PHACTR2: variants seen among roughly 807,000 people sequenced by gnomAD.
PHACTR2 encodes the protein phosphatase and actin regulator 2, also known as chromosome 6 open reading frame 56.
Under a neutral mutation model 76.0 loss-of-function variants are expected in PHACTR2, and 30 were observed. That is an observed-to-expected ratio of 0.39 (90% CI 0.30 to 0.54). The LOEUF (loss-of-function observed/expected upper bound fraction) is 0.54. Ranked by LOEUF, PHACTR2 falls within the 20% of genes least tolerant of loss-of-function variation. PHACTR2 has a pLI of 0.61. For missense variants in PHACTR2, 696 were observed against 781.1 expected, an observed-to-expected ratio of 0.89 and a Z score of 1.30; for synonymous variants, 292 against 292.5, an observed-to-expected ratio of 1.00 and a Z score of 0.02.
Position 143,617,153 on chromosome 6 carries a change from G to C in PHACTR2, c.13+8831G>C, listed in dbSNP as rs1187361134. On this transcript the variant is annotated intron_variant, in intron 1 of 11. Transcript: ENST00000305766. This position sits in a 1 kb window ranked among gnomAD's most constrained non-coding sequence, Gnocchi z 4.8. ...GATGGAGGTGGTGGCAGTGGGGAAG[G>C]GGAGAGGAAACTTACTTCAATCCCA... 1.3e-5 allele frequency among the ~76,000 whole-genome samples: 2 copies of C among 152,184 alleles called. No individual in the cohort carries two copies. Among genetic ancestry groups the C allele is most frequent in the Non-Finnish European group, 2.9e-5 (2 of 68,024 alleles).
chr6:143,822,539 T>C lies in PHACTR2; in HGVS notation c.1923-1135T>C, dbSNP rs999990785. On this transcript the variant is annotated intron_variant, in intron 12 of 12. Transcript: ENST00000440869. This position sits in a 1 kb window ranked among gnomAD's most constrained non-coding sequence, Gnocchi z 5.5. The stretch of plus-strand genomic sequence containing the variant: ...AAAAGATTTTAAAAACCCCAAGAAC[T>C]GAAATGATGGAACCAGTATTTTTAA... Among the ~76,000 whole-genome samples the C allele has an allele frequency of 6.6e-6, 1 of 152,076 alleles. No homozygotes were observed. Among genetic ancestry groups the C allele is most frequent in the Admixed American group, 6.5e-5 (1 of 15,270 alleles).
Position 143,671,163 on chromosome 6 carries a change from C to G in PHACTR2, c.14-40853C>G, listed in dbSNP as rs1326572386. ...CAGGCTGGTCTTGAACTCCTGACAT[C>G]ATGATCCGCCTGCCTCAGCAGCCTC... On this transcript the variant is annotated intron_variant, in intron 1 of 11. Coordinates refer to the PHACTR2 transcript ENST00000305766. This position sits in a 1 kb window ranked among gnomAD's most constrained non-coding sequence, Gnocchi z 4.6. Among the ~76,000 whole-genome samples, 1 of 152,112 alleles carries G rather than the reference C, an allele frequency of 6.6e-6. No individual in the cohort carries two copies. The highest frequency in any genetic ancestry group is 2.4e-5 in the African/African-American group (1 of 41,422).
At position 143,548,255 on chromosome 6, in the gene PHACTR2, C is replaced by T. The variant is rs1318563659; in HGVS notation, c.217+11048C>T. Among the ~76,000 whole-genome samples the T allele has an allele frequency of 6.7e-6, 1 of 150,302 alleles. No individual in the cohort carries two copies. Among genetic ancestry groups the T allele is most frequent in the South Asian group, 2.1e-4 (1 of 4,786 alleles). On this transcript the variant is annotated intron_variant, in intron 1 of 11. Coordinates refer to the PHACTR2 transcript ENST00000367584. This position sits in a 1 kb window ranked among gnomAD's most constrained non-coding sequence, Gnocchi z 4.5. ...CTAATTTCATTCATGAAGGTTCCAC[C>T]CTCAATACCTCATCTAATCCTTATT...
At chr6:143,741,876 C>A (rs1057231362) in intron 2 of PHACTR2, among the ~76,000 whole-genome samples, 1 of 151,966 alleles carries the variant, frequency 6.6e-6, no homozygotes, top group East Asian at 1.9e-4. Flanking sequence ...CTCAGGCAGG[C>A]GGATCACCTG....
intron 2 of PHACTR2, among the ~76,000 whole-genome samples, chr6:143,720,119 C>T (rs1778405671): frequency 6.6e-6 from 1 of 152,014 alleles, no homozygotes. Context: ...GCCAAGTGTT[C>T]GACACTTCTT....
At chr6:143,538,573 A>C (rs1011287314) in intron 1 of PHACTR2, among the ~76,000 whole-genome samples, 1 of 152,212 alleles carries the variant, frequency 6.6e-6, no homozygotes, top group East Asian at 1.9e-4. Context: ...ACCAGCTACC[A>C]CTGCCCTGGT....
chr6:143,589,439 T>C lies in PHACTR2; in HGVS notation c.217+52232T>C, dbSNP rs1459218336. Reference sequence around the variant, plus strand: ...CCTTTTGCCATGATTCCAAGTTTCCTGAGGCCTCCCCAGTCATGCTTCCTG... The same window carrying C: ...CCTTTTGCCATGATTCCAAGTTTCCCGAGGCCTCCCCAGTCATGCTTCCTG... On this transcript the variant is annotated intron_variant, in intron 1 of 11. Transcript: ENST00000367584. The surrounding 1 kb of genome is among the most constrained non-coding windows in gnomAD (Gnocchi z 4.4). 6.6e-6 allele frequency among the ~76,000 whole-genome samples: 1 copy of C among 152,206 alleles called. No homozygotes were observed. The highest frequency in any genetic ancestry group is 1.5e-5 in the Non-Finnish European group (1 of 68,038).
rs1779552127 is a variant in PHACTR2, at chr6:143,765,844, CA to C, written c.1232+47del. On this transcript the variant is annotated intron_variant, in intron 6 of 12. Coordinates refer to ENST00000440869, the MANE Select transcript of PHACTR2 (RefSeq NM_001100164.2). The surrounding 1 kb of genome is among the most constrained non-coding windows in gnomAD (Gnocchi z 4.1). Reference sequence around the variant, plus strand: ...CCTATTTTATCTGAGAACTAAAGATCACTAATATATTCTGTTGGAAATGAAG... The same window carrying C: ...CCTATTTTATCTGAGAACTAAAGATCCTAATATATTCTGTTGGAAATGAAG... 1 of 1,475,330 alleles carries C rather than the reference CA, an allele frequency of 6.8e-7. No homozygotes were observed. The highest frequency in any genetic ancestry group is 9.3e-7 in the Non-Finnish European group (1 of 1,072,480). The allele number at this position is 1,475,330 out of a possible 1,614,324, so 91.4% of individuals were successfully genotyped here.
intron 1 of PHACTR2, among the ~76,000 whole-genome samples, chr6:143,584,189 C>T (rs1020699482): frequency 6.6e-6 from 1 of 152,328 alleles, no homozygotes; most frequent in Middle Eastern, 3.4e-3. Context: ...AAGATGTTAA[C>T]TCTTGACTAG....
rs1027768878 is a variant in PHACTR2 at position 143,641,273 on chromosome 6, T to C, written c.13+32951T>C. ...ATGGCAATGAAGTTTCAACATGAAG[T>C]TTTTAGAGGACAAACATTCAAACCA... On this transcript the variant is annotated intron_variant, in intron 1 of 11. Transcript: ENST00000305766. This position sits in a 1 kb window ranked among gnomAD's most constrained non-coding sequence, Gnocchi z 5.8. 1.3e-5 allele frequency among the ~76,000 whole-genome samples: 2 copies of C among 151,966 alleles called. No individual in the cohort carries two copies. The highest frequency in any genetic ancestry group is 4.8e-5 in the African/African-American group (2 of 41,346).
rs536813035 is a variant in PHACTR2 at position 143,757,222 on chromosome 6, A to G, written c.455-3179A>G. Among the ~76,000 whole-genome samples the G allele has an allele frequency of 3.6e-4, 55 of 152,330 alleles. No individual in the cohort carries two copies. Among genetic ancestry groups the G allele is most frequent in the Admixed American group, 7.2e-4 (11 of 15,306 alleles). On this transcript the variant is annotated intron_variant, in intron 4 of 12. Coordinates refer to ENST00000440869, the MANE Select transcript of PHACTR2 (RefSeq NM_001100164.2). The surrounding 1 kb of genome is among the most constrained non-coding windows in gnomAD (Gnocchi z 4.2). ...CATAGGTGAGACTCTACTAGGGGCC[A>G]GGAAAAGAGTAGTAAATGAAAAATG...
At position 143,828,533 on chromosome 6, in the gene PHACTR2, G is replaced by A. The variant is rs1474402069; in HGVS notation, c.*4844G>A. ...CAAATTTAAAAATCCTATTGTATAT[G>A]TTGTAAAATTTCTGGCAAAGAAATG... On this transcript the variant is annotated 3_prime_UTR_variant, in exon 13 of 13. Coordinates refer to ENST00000440869, the MANE Select transcript of PHACTR2 (RefSeq NM_001100164.2). This position sits in a 1 kb window ranked among gnomAD's most constrained non-coding sequence, Gnocchi z 4.7. 1 of 152,184 alleles carries A rather than the reference G, an allele frequency of 6.6e-6. No individual in the cohort carries two copies. The highest frequency in any genetic ancestry group is 6.5e-5 in the Admixed American group (1 of 15,282). 9.4% of individuals were successfully genotyped at this position (152,184 alleles called of 1,614,324 possible). A position where few individuals can be genotyped will look rare whatever the true frequency, so the allele number is the denominator to read the frequency against.
chr6:143,556,030 G>T lies in PHACTR2; in HGVS notation c.217+18823G>T, dbSNP rs780031701. On this transcript the variant is annotated intron_variant, in intron 1 of 11. Coordinates refer to the PHACTR2 transcript ENST00000367584. This position sits in a 1 kb window ranked among gnomAD's most constrained non-coding sequence, Gnocchi z 4.3. Reference sequence around the variant, plus strand: ...AAACAGAAAAAAAACAAAAAGAAAAGAGACCAAACCTTTTACTCTTAGTAA... The same window carrying T: ...AAACAGAAAAAAAACAAAAAGAAAATAGACCAAACCTTTTACTCTTAGTAA... Among the ~76,000 whole-genome samples the T allele has an allele frequency of 6.7e-6, 1 of 150,144 alleles. No homozygotes were observed. The highest frequency in any genetic ancestry group is 2.5e-5 in the African/African-American group (1 of 40,662).
intron 1 of PHACTR2, among the ~76,000 whole-genome samples, chr6:143,705,242 C>T (rs1232680195): frequency 1.3e-5 from 2 of 152,076 alleles, no homozygotes; most frequent in African/African-American, 4.8e-5. Flanking sequence ...CCTCAGCCTC[C>T]CAAGTAGCTG....
At chr6:143,716,553 G>A (rs1411096048) in intron 2 of PHACTR2, among the ~76,000 whole-genome samples, 1 of 152,172 alleles carries the variant, frequency 6.6e-6, no homozygotes, top group African/African-American at 2.4e-5. Flanking sequence ...TGCCCAGGTT[G>A]GTCTCAAACT....
intron 1 of PHACTR2, among the ~76,000 whole-genome samples, chr6:143,640,858 G>A (rs987372475): frequency 2.6e-5 from 4 of 152,166 alleles, no homozygotes; most frequent in Non-Finnish European, 5.9e-5. Flanking sequence ...CTTAAGATGA[G>A]ATACTCCTGG....
At chr6:143,651,310 T>C (rs936727191) in intron 1 of PHACTR2, among the ~76,000 whole-genome samples, 1 of 152,076 alleles carries the variant, frequency 6.6e-6, no homozygotes, top group Admixed American at 6.5e-5. Flanking sequence ...GGAGCAGAAA[T>C]ACCATTCGAC....
chr6:143,590,218 T>G (rs147515131), intron 1 of PHACTR2, among the ~76,000 whole-genome samples: 184 of 152,334 alleles, frequency 1.2e-3, no homozygotes, highest in Non-Finnish European at 9.1e-4. Flanking sequence ...GTTTGGTATT[T>G]TCCCCGTATT....
intron 1 of PHACTR2, among the ~76,000 whole-genome samples, chr6:143,542,596 A>G (rs1284693408): frequency 2.0e-5 from 3 of 152,072 alleles, no homozygotes; most frequent in Non-Finnish European, 2.9e-5. Context: ...TCTAATCAAA[A>G]CAGATTATCT....
Sources: allele counts gnomAD v4.1 joint callset (sites outside exome capture counted in the v4.1 genomes callset), GRCh38; gene constraint gnomAD v4.1.1; non-coding constraint Gnocchi (gnomAD v3.1); transcripts MANE v1.5; gene names NCBI Gene and HGNC (gene_info 2026-07-23, HGNC 2026-07-21).